ANTXR2: variants seen among roughly 807,000 people sequenced by gnomAD.
ANTXR2 encodes ANTXR cell adhesion molecule 2.
In ANTXR2, 44 loss-of-function variants were observed where a neutral mutation model predicts 73.7. The ratio of observed to expected loss-of-function variants is 0.60; its 90% CI spans 0.47 to 0.77. The LOEUF is 0.77. Ranked by LOEUF, ANTXR2 falls within the 30% of genes least tolerant of loss-of-function variation. The probability of loss-of-function intolerance (pLI) is 0.00; values close to 1 mark genes in which losing one functional copy is unlikely to be tolerated. For missense variants in ANTXR2, 604 were observed against 592.5 expected, an observed-to-expected ratio of 1.02 and a Z score of -0.20; for synonymous variants, 217 against 205.9, an observed-to-expected ratio of 1.05 and a Z score of -0.46.
intron 13 of ANTXR2, among the ~76,000 whole-genome samples, chr4:79,984,562 C>T (rs1578130328): frequency 6.6e-6 from 1 of 151,862 alleles, no homozygotes. Flanking sequence ...TGATATAGTA[C>T]TATAAAAGTA....
rs528012514 is a variant in ANTXR2, at chr4:79,928,778, T to C, written c.1429-21311A>G. 7.9e-5 allele frequency among the ~76,000 whole-genome samples: 12 copies of C among 152,302 alleles called. No homozygotes were observed. In the East Asian group the frequency reaches 2.1e-3, roughly 27 times the overall value. On this transcript the variant is annotated intron_variant, in intron 16 of 16. Transcript: ENST00000403729. ...TTATCTATAAATATAGTTATTATAA[T>C]TATCATGTGGTCAATTCATTTTAAT...
chr4:80,062,885 A>T lies in ANTXR2; in HGVS notation c.296+6551T>A, dbSNP rs564657953. ...TTGATTTCTTTAAACATCTGCTCGA[A>T]TCCTGATACATCATGATGAAAATAA... is the stretch of plus-strand genomic sequence containing the variant. On this transcript the variant is annotated intron_variant, in intron 3 of 16. Transcript: ENST00000403729. Among the ~76,000 whole-genome samples, 14 of 152,236 alleles carry T rather than the reference A, an allele frequency of 9.2e-5. No individual in the cohort carries two copies. In the South Asian group the frequency reaches 2.9e-3, roughly 32 times the overall value.
chr4:79,984,712 A>G (rs1730032736), intron 13 of ANTXR2, 107 bp downstream of exon 13: 7 of 939,760 alleles, frequency 7.4e-6, no homozygotes, highest in Non-Finnish European at 1.7e-6. Context: ...AAAAGTCAGT[A>G]CATAGGTATC....
chr4:79,936,385 C>T (rs985815919), intron 16 of ANTXR2, among the ~76,000 whole-genome samples: 2 of 152,172 alleles, frequency 1.3e-5, no homozygotes, highest in African/African-American at 4.8e-5. Flanking sequence ...TCCTTCACAA[C>T]CTAGCACTAA....
intron 16 of ANTXR2, 67 bp from the exon 17 acceptor site, chr4:79,907,534 A>G (rs1726965694): frequency 2.7e-6 from 4 of 1,472,252 alleles, no homozygotes; most frequent in Non-Finnish European, 3.8e-6. Context: ...GAGAACATCT[A>G]GTTTTCCTAC....
intron 3 of ANTXR2, among the ~76,000 whole-genome samples, chr4:80,061,098 CA>C (rs1734229840): frequency 6.6e-6 from 1 of 152,054 alleles, no homozygotes; most frequent in Non-Finnish European, 1.5e-5. Flanking sequence ...TCAGAGTAGT[CA>C]AAGTTTTCAT....
In ANTXR2 at chr4:80,052,912, C is replaced by G. The variant is rs139378126; in HGVS notation, c.636+1360G>C. On this transcript the variant is annotated intron_variant, in intron 7 of 16. Coordinates refer to ENST00000403729, the MANE Select transcript of ANTXR2 (RefSeq NM_058172.6). ...TTGAAGGGGAAATCTGTAGTTATTACCCATAAAAATAGAGTTTTGGAAACA... is the reference window on the plus strand; with the variant it reads ...TTGAAGGGGAAATCTGTAGTTATTAGCCATAAAAATAGAGTTTTGGAAACA... 2.6e-3 allele frequency among the ~76,000 whole-genome samples: 391 copies of G among 151,492 alleles called. 1 individual carries two copies. Among genetic ancestry groups the G allele is most frequent in the Non-Finnish European group, 4.4e-3 (297 of 67,656 alleles).
At chr4:79,958,621 T>C (rs1370467310) in intron 16 of ANTXR2, among the ~76,000 whole-genome samples, 1 of 152,134 alleles carries the variant, frequency 6.6e-6, no homozygotes, top group Non-Finnish European at 1.5e-5. Context: ...TCTGCTGCTT[T>C]TTGTATCTGA....
At chr4:80,002,348 G>A (rs1385745638) in intron 12 of ANTXR2, among the ~76,000 whole-genome samples, 2 of 152,146 alleles carry the variant, frequency 1.3e-5, no homozygotes, top group African/African-American at 4.8e-5. Context: ...GGGAAAACTG[G>A]CTAGCCATGT....
chr4:79,918,351 A>T lies in ANTXR2; in HGVS notation c.1429-10884T>A, dbSNP rs536502611. 1.6e-4 allele frequency among the ~76,000 whole-genome samples: 25 copies of T among 152,238 alleles called. 1 individual carries two copies. The highest frequency in any genetic ancestry group is 5.5e-4 in the African/African-American group (23 of 41,568). On this transcript the variant is annotated intron_variant, in intron 16 of 16. Transcript: ENST00000403729. ...TAGAAGACACAAACTTACAGATCAA[A>T]GAAACTCAGTTAACCATGAGAAGGA...
intron 16 of ANTXR2, among the ~76,000 whole-genome samples, chr4:79,925,769 G>C (rs1727757053): frequency 6.6e-6 from 1 of 152,102 alleles, no homozygotes; most frequent in Non-Finnish European, 1.5e-5. Flanking sequence ...TACTATCAGT[G>C]TAACAATGTT....
chr4:80,033,479 A>G lies in ANTXR2; in HGVS notation c.789T>C (p.Tyr263=). The G allele has an allele frequency of 1.3e-6, 2 of 1,597,246 alleles. No homozygotes were observed. The highest frequency in any genetic ancestry group is 2.3e-5 in the East Asian group (1 of 43,988). The part of the protein sequence containing the change: ...VLCTYTVNET[Y]TTSVKPVSVQ... ...AGATTACTGGGGACCTACTCGTTGT[A>G]TATGTTTCATTTACAGTGTAAGTGC... Residue 263 remains tyrosine (Y), a synonymous_variant, in exon 9 of 17, where the codon TAT becomes TAC. Transcript: ENST00000403729.
At chr4:79,976,071 C>T (rs1477451595) in intron 16 of ANTXR2, among the ~76,000 whole-genome samples, 1 of 152,074 alleles carries the variant, frequency 6.6e-6, no homozygotes, top group East Asian at 1.9e-4. Flanking sequence ...CGCCACCACG[C>T]CCTGCTAATT....
chr4:79,913,723 G>A (rs1247379425), intron 16 of ANTXR2, among the ~76,000 whole-genome samples: 1 of 152,060 alleles, frequency 6.6e-6, no homozygotes, highest in Non-Finnish European at 1.5e-5. Flanking sequence ...ATTTCTCTAG[G>A]TCAATGGTTT....
At chr4:79,916,544 T>TA (rs986955701) in intron 16 of ANTXR2, among the ~76,000 whole-genome samples, 2 of 151,972 alleles carry the variant, frequency 1.3e-5, no homozygotes, top group African/African-American at 4.8e-5. Flanking sequence ...AAATCAATAG[T>TA]AAAAAAATTT....
Position 80,069,472 on chromosome 4 carries a change from G to T in ANTXR2, c.260C>A (p.Ser87Tyr). ...EMRLSFIVFS[S>Y]QATIILPLTG... ...TAATGGCAAAATAATAGTTGCTTGAGAAGAAAACACAATGAAAGATAATCT... is the reference window on the plus strand; with the variant it reads ...TAATGGCAAAATAATAGTTGCTTGATAAGAAAACACAATGAAAGATAATCT... Residue 87 changes from serine (S) to tyrosine (Y), a missense_variant, in exon 3 of 17, where the codon TCT (serine) becomes TAT (tyrosine). Transcript: ENST00000403729. 6.2e-7 allele frequency: 1 copy of T among 1,605,996 alleles called. No homozygotes were observed. The highest frequency in any genetic ancestry group is 1.1e-5 in the South Asian group (1 of 89,378).
intron 12 of ANTXR2, among the ~76,000 whole-genome samples, chr4:79,990,184 T>C (rs2110029067): frequency 6.6e-6 from 1 of 151,286 alleles, no homozygotes; most frequent in South Asian, 2.1e-4. Context: ...AAATAAGAAG[T>C]CAAAATTATC....
In ANTXR2 at chr4:80,045,299, C is replaced by T. The variant is rs551005839; in HGVS notation, c.636+8973G>A. On this transcript the variant is annotated intron_variant, in intron 7 of 16. Coordinates refer to ENST00000403729, the MANE Select transcript of ANTXR2 (RefSeq NM_058172.6). ...TTAGGATCAACTCTAAATAATAAGGCTTTTTCCTCCCCAAAATAGATTATT... is the reference window on the plus strand; with the variant it reads ...TTAGGATCAACTCTAAATAATAAGGTTTTTTCCTCCCCAAAATAGATTATT... Among the ~76,000 whole-genome samples, 5 of 151,828 alleles carry T rather than the reference C, an allele frequency of 3.3e-5. No individual in the cohort carries two copies. The South Asian group carries it at 8.3e-4, about 25-fold the overall frequency.
intron 12 of ANTXR2, among the ~76,000 whole-genome samples, chr4:80,000,921 A>T (rs568488000): frequency 6.6e-6 from 1 of 152,126 alleles, no homozygotes; most frequent in African/African-American, 2.4e-5. Flanking sequence ...CTAGCAAATC[A>T]TATCACCCCT....
Sources: gnomAD v4.1 joint callset for allele counts (sites outside exome capture counted in the v4.1 genomes callset) on GRCh38, gnomAD v4.1.1 for gene constraint, MANE v1.5 for transcripts, NCBI Gene and HGNC (gene_info 2026-07-23, HGNC 2026-07-21) for gene names.